The following RIMS4 variants were observed in gnomAD, a reference collection of about 807,000 sequenced individuals.
RIMS4 encodes regulating synaptic membrane exocytosis 4, also known as regulating synaptic membrane exocytosis protein 4.
A neutral mutation model predicts 29.0 loss-of-function variants in RIMS4; 9 were observed. The observed-to-expected ratio is 0.31, with a 90% CI of 0.19 to 0.54. RIMS4 has a LOEUF of 0.54. RIMS4 is among the 20% of genes least tolerant of loss of function. The pLI is 0.94. For synonymous variants in RIMS4, 130 were observed against 152.9 expected, an observed-to-expected ratio of 0.85 and a Z score of 1.10; for missense variants, 193 against 365.7, an observed-to-expected ratio of 0.53 and a Z score of 3.85.
intron 1 of RIMS4, among the ~76,000 whole-genome samples, chr20:44,787,107 C>T (rs1233496669): frequency 2.0e-5 from 3 of 152,108 alleles, no homozygotes; most frequent in African/African-American, 7.2e-5. Context: ...AAAGCATTCC[C>T]AACACAGGGA....
At chr20:44,787,732 A>T (rs145274750) in intron 1 of RIMS4, among the ~76,000 whole-genome samples, 1 of 152,280 alleles carries the variant, frequency 6.6e-6, no homozygotes, top group Non-Finnish European at 1.5e-5. Flanking sequence ...ACAATGATAC[A>T]ACTTGAACGT....
intron 1 of RIMS4, among the ~76,000 whole-genome samples, chr20:44,805,918 C>G (rs2066296721): frequency 6.6e-6 from 1 of 152,176 alleles, no homozygotes; most frequent in African/African-American, 2.4e-5. Context: ...CAGACCACCC[C>G]CTACATTTCC....
chr20:44,797,332 G>A (rs1038876801), intron 1 of RIMS4, among the ~76,000 whole-genome samples: 3 of 152,222 alleles, frequency 2.0e-5, no homozygotes, highest in Admixed American at 2.0e-4. Flanking sequence ...AACAGAGACT[G>A]TAATCCTGCA....
At chr20:44,781,269 T>C (rs544436761) in intron 1 of RIMS4, among the ~76,000 whole-genome samples, 1 of 152,316 alleles carries the variant, frequency 6.6e-6, no homozygotes, top group South Asian at 2.1e-4. Flanking sequence ...TCTACCAGAA[T>C]AGATAGGCAA....
intron 1 of RIMS4, among the ~76,000 whole-genome samples, chr20:44,780,486 G>A (rs1227600683): frequency 6.6e-6 from 1 of 152,152 alleles, no homozygotes; most frequent in African/African-American, 2.4e-5. Flanking sequence ...TGGCTTGCTG[G>A]TGCCTGAAAT....
chr20:44,790,952 G>C (rs1192979059), intron 1 of RIMS4, among the ~76,000 whole-genome samples: 1 of 152,230 alleles, frequency 6.6e-6, no homozygotes, highest in Non-Finnish European at 1.5e-5. Flanking sequence ...AATGAACCAT[G>C]CCTATTAGGG....
intron 2 of RIMS4, among the ~76,000 whole-genome samples, chr20:44,766,878 A>G (rs1373121195): frequency 6.6e-6 from 1 of 152,190 alleles, no homozygotes; most frequent in Non-Finnish European, 1.5e-5. Context: ...TCTAGCCTCA[A>G]GAGCCTATGT....
intron 1 of RIMS4, among the ~76,000 whole-genome samples, chr20:44,772,908 A>G (rs1350152310): frequency 6.6e-6 from 1 of 152,192 alleles, no homozygotes; most frequent in Admixed American, 6.5e-5. Context: ...TCCCAGCTCC[A>G]GGATGGTCTC....
At chr20:44,803,028 T>C (rs1431701148) in intron 1 of RIMS4, among the ~76,000 whole-genome samples, 1 of 152,210 alleles carries the variant, frequency 6.6e-6, no homozygotes, top group Admixed American at 6.5e-5. Flanking sequence ...CTGACTACCT[T>C]ACTTAACATT....
At chr20:44,769,136 T>C (rs896775915) in intron 2 of RIMS4, among the ~76,000 whole-genome samples, 7 of 152,300 alleles carry the variant, frequency 4.6e-5, no homozygotes, top group African/African-American at 1.7e-4. Context: ...GCTTTGAACC[T>C]GTCTGTAATT....
intron 1 of RIMS4, among the ~76,000 whole-genome samples, chr20:44,805,116 T>C (rs964531973): frequency 1.2e-4 from 18 of 151,412 alleles, no homozygotes; most frequent in East Asian, 1.9e-4. Flanking sequence ...CTGGGTGACA[T>C]AGTGAAACCC....
chr20:44,760,793 T>G (rs571104249), intron 2 of RIMS4, among the ~76,000 whole-genome samples: 1 of 152,188 alleles, frequency 6.6e-6, no homozygotes, highest in Non-Finnish European at 1.5e-5. Flanking sequence ...TGAACAGTGA[T>G]TTCTGCCCTT....
At chr20:44,769,678 G>A (rs1024590548) in intron 2 of RIMS4, among the ~76,000 whole-genome samples, 1 of 152,204 alleles carries the variant, frequency 6.6e-6, no homozygotes, top group African/African-American at 2.4e-5. Context: ...TCTCGCCCAC[G>A]GGAAAGTCTC....
intron 1 of RIMS4, among the ~76,000 whole-genome samples, chr20:44,786,226 T>G (rs1301253197): frequency 6.6e-6 from 1 of 152,178 alleles, no homozygotes; most frequent in Non-Finnish European, 1.5e-5. Flanking sequence ...AGGCAGAAGC[T>G]GAAATATGGA....
intron 1 of RIMS4, among the ~76,000 whole-genome samples, chr20:44,781,993 C>T (rs1261671705): frequency 1.3e-5 from 2 of 152,212 alleles, no homozygotes; most frequent in Admixed American, 1.3e-4. Flanking sequence ...ATACAGCCCA[C>T]GTACTTCCGT....
At chr20:44,799,284 C>G (rs2145477827) in intron 1 of RIMS4, among the ~76,000 whole-genome samples, 1 of 151,798 alleles carries the variant, frequency 6.6e-6, no homozygotes, top group South Asian at 2.1e-4. Flanking sequence ...GACTGGGCAA[C>G]AGAGCAAGAC....
chr20:44,807,767 C>T (rs1456092529), intron 1 of RIMS4, among the ~76,000 whole-genome samples: 1 of 152,204 alleles, frequency 6.6e-6, no homozygotes, highest in Non-Finnish European at 1.5e-5. Flanking sequence ...ACGCTGCCTA[C>T]TTCTGACTTT....
chr20:44,769,766 G>T (rs113429832), intron 2 of RIMS4, among the ~76,000 whole-genome samples: 1 of 152,222 alleles, frequency 6.6e-6, no homozygotes, highest in Non-Finnish European at 1.5e-5. Context: ...TTTAGGAGGG[G>T]CTGGGGGTGG....
Position 44,791,226 on chromosome 20 carries a change from C to T in RIMS4, c.97+18949G>A, listed in dbSNP as rs549668026. Among the ~76,000 whole-genome samples the T allele has an allele frequency of 1.6e-3, 241 of 152,358 alleles. 1 individual carries two copies. Among genetic ancestry groups the T allele is most frequent in the Non-Finnish European group, 2.9e-3 (199 of 68,036 alleles). ...GAGAGAAATAGCCCTAGTGGTGAAG[C>T]ATTCTACTTTTGGATTATAGAATTT... On this transcript the variant is annotated intron_variant, in intron 1 of 5. Transcript: ENST00000372851.
Sources: allele counts gnomAD v4.1 joint callset (sites outside exome capture counted in the v4.1 genomes callset), GRCh38; gene constraint gnomAD v4.1.1; transcripts MANE v1.5; gene names NCBI Gene and HGNC (gene_info 2026-07-23, HGNC 2026-07-21).